DPP6: variants seen among roughly 807,000 people sequenced by gnomAD.
DPP6 encodes A-type potassium channel modulatory protein DPP6.
A neutral mutation model predicts 122.6 loss-of-function variants in DPP6; 69 were observed. The observed-to-expected ratio is 0.56, with a 90% confidence interval of 0.46 to 0.69. The LOEUF is 0.69. Ranked by LOEUF, DPP6 falls within the 30% of genes least tolerant of loss-of-function variation. The pLI is 0.00. For missense variants in DPP6, 928 were observed against 1,116.9 expected (o/e 0.83, Z 2.41); for synonymous variants, 418 against 433.1 (o/e 0.97, Z 0.43).
intron 25 of DPP6, among the ~76,000 whole-genome samples, chr7:154,891,878 T>C (rs931576405): frequency 6.6e-6 from 1 of 152,116 alleles, no homozygotes; most frequent in African/African-American, 2.4e-5. Flanking sequence ...GAAATTCTAT[T>C]TCTTTTCAGA....
At chr7:154,696,942 A>G (rs1840253148) in intron 7 of DPP6, among the ~76,000 whole-genome samples, 1 of 142,452 alleles carries the variant, frequency 7.0e-6, no homozygotes, top group Admixed American at 7.2e-5. Context: ...CGACAGTGAG[A>G]AAGGGTCCTG....
At chr7:153,764,440 G>T in the DPP6 span, among the ~76,000 whole-genome samples, 1 of 152,030 alleles carries the variant, frequency 6.6e-6, no homozygotes, top group South Asian at 2.1e-4. Context: ...CTCCTCCTCT[G>T]CACTCGCCAG....
intron 5 of DPP6, among the ~76,000 whole-genome samples, chr7:154,583,277 T>C (rs1422527431): frequency 3.3e-5 from 5 of 152,210 alleles, no homozygotes; most frequent in African/African-American, 1.2e-4. Flanking sequence ...CGGTTTCTGG[T>C]GACGGCTCAC....
intron 1 of DPP6, among the ~76,000 whole-genome samples, chr7:154,008,715 G>C (rs1361616379): frequency 2.5e-4 from 36 of 141,974 alleles, no homozygotes; most frequent in African/African-American, 6.5e-4. Flanking sequence ...AGGCTGGAGT[G>C]CAGTGGCGCG....
intron 5 of DPP6, among the ~76,000 whole-genome samples, chr7:154,622,355 G>A (rs1177900507): frequency 6.6e-6 from 1 of 152,196 alleles, no homozygotes; most frequent in Non-Finnish European, 1.5e-5. Context: ...AATTATGCTG[G>A]AAATAGGTGG....
chr7:154,689,176 T>C (rs1839800824), intron 7 of DPP6, among the ~76,000 whole-genome samples: 3 of 152,192 alleles, frequency 2.0e-5, no homozygotes, highest in Admixed American at 2.0e-4. Flanking sequence ...TAGCTCATCA[T>C]AGAGGAAATG....
At chr7:154,705,312 T>C (rs574006105) in intron 7 of DPP6, among the ~76,000 whole-genome samples, 1 of 152,242 alleles carries the variant, frequency 6.6e-6, no homozygotes, top group African/African-American at 2.4e-5. Context: ...GACAGCATCC[T>C]GGGGCATGTC....
In DPP6 at chr7:154,875,148, G is replaced by C. The variant is rs894266701; in HGVS notation, c.1884-758G>C. On this transcript the variant is annotated intron_variant, in intron 19 of 25. Coordinates refer to ENST00000377770, the MANE Select transcript of DPP6 (RefSeq NM_130797.4). The surrounding 1 kb of genome is among the most constrained non-coding windows in gnomAD (Gnocchi z 4.5). ...AAAGAAAAGAAAGAGAGAGAGAGAA[G>C]GAAAGAAGGAGGGGAGGGAGGGAGG... Among the ~76,000 whole-genome samples, 2 of 151,922 alleles carry C rather than the reference G, an allele frequency of 1.3e-5. No individual in the cohort carries two copies. Among genetic ancestry groups the C allele is most frequent in the Non-Finnish European group, 2.9e-5 (2 of 67,978 alleles).
At chr7:154,696,711 G>A (rs911761869) in intron 7 of DPP6, among the ~76,000 whole-genome samples, 3 of 152,066 alleles carry the variant, frequency 2.0e-5, no homozygotes, top group South Asian at 2.1e-4. Context: ...TCAACATAGC[G>A]CCCACCTCAT....
At chr7:154,129,313 G>A (rs751013544) in intron 1 of DPP6, among the ~76,000 whole-genome samples, 74 of 152,222 alleles carry the variant, frequency 4.9e-4, no homozygotes, top group Non-Finnish European at 4.4e-4. Flanking sequence ...CGGTGTGAAA[G>A]CTATTTCTAG....
At chr7:154,588,021 G>A in intron 5 of DPP6, 2 of 1,612,816 alleles carry the variant, frequency 1.2e-6, no homozygotes, top group Non-Finnish European at 1.7e-6. Flanking sequence ...CATCGCATCT[G>A]CTCACCCCGG....
chr7:154,325,157 G>A (rs1050437973), intron 1 of DPP6, among the ~76,000 whole-genome samples: 8 of 152,034 alleles, frequency 5.3e-5, no homozygotes, highest in Non-Finnish European at 5.9e-5. Flanking sequence ...ATGAGCCACC[G>A]TGCCTGGCCT....
At chr7:154,231,998 G>C (rs1225054358) in intron 1 of DPP6, among the ~76,000 whole-genome samples, 2 of 152,150 alleles carry the variant, frequency 1.3e-5, no homozygotes, top group African/African-American at 2.4e-5. Context: ...GAGCCACCTG[G>C]GCAGGGACTT....
chr7:154,615,204 C>T (rs1043024149), intron 5 of DPP6, among the ~76,000 whole-genome samples: 1 of 126,412 alleles, frequency 7.9e-6, no homozygotes, highest in Non-Finnish European at 1.8e-5. Context: ...AACTTCCTGA[C>T]CTGCAAAATG....
intron 3 of DPP6, among the ~76,000 whole-genome samples, chr7:154,512,816 A>T (rs1826193941): frequency 1.3e-5 from 2 of 152,202 alleles, no homozygotes; most frequent in Admixed American, 1.3e-4. Flanking sequence ...GATTGATAAT[A>T]AATTTTTTGA....
intron 1 of DPP6, among the ~76,000 whole-genome samples, chr7:154,242,906 A>G (rs1317819945): frequency 6.6e-6 from 1 of 152,328 alleles, no homozygotes; most frequent in South Asian, 2.1e-4. Context: ...ATTGCTATGC[A>G]CCACCAGGAG....
chr7:154,881,188 A>G (rs1805361032), intron 21 of DPP6: 2 of 575,384 alleles, frequency 3.5e-6, no homozygotes, highest in Non-Finnish European at 5.5e-6. Flanking sequence ...TCCCCGCAGG[A>G]GAGCTCTAAT....
intron 1 of DPP6, among the ~76,000 whole-genome samples, chr7:154,322,704 G>A (rs75968777): frequency 7.9e-5 from 12 of 152,240 alleles, no homozygotes; most frequent in Non-Finnish European, 1.3e-4. Flanking sequence ...AGGTGTACTC[G>A]GGAAGATAGT....
chr7:153,863,683 A>G, the DPP6 span, among the ~76,000 whole-genome samples: 3 of 152,044 alleles, frequency 2.0e-5, no homozygotes, highest in African/African-American at 7.2e-5. Flanking sequence ...CATTTTTGTC[A>G]CTCCAGGAAG....
Sources: gnomAD v4.1 joint callset for allele counts (sites outside exome capture counted in the v4.1 genomes callset) on GRCh38, gnomAD v4.1.1 for gene constraint, Gnocchi (gnomAD v3.1) non-coding constraint, MANE v1.5 for transcripts, NCBI Gene and HGNC (gene_info 2026-07-23, HGNC 2026-07-21) for gene names.